Variants in UPF2 observed in about 807,000 individuals in gnomAD.
UPF2 encodes the protein UPF2 regulator of nonsense mediated mRNA decay.
In UPF2, 17 loss-of-function variants were observed where a neutral mutation model predicts 141.4. The observed-to-expected ratio is 0.12, with a 90% CI of 0.08 to 0.18. The LOEUF (loss-of-function observed/expected upper bound fraction) is 0.18. UPF2 is among the 10% of genes least tolerant of loss of function. UPF2 has a pLI of 1.00. For missense variants in UPF2, 1,152 were observed against 1,515.9 expected, an observed-to-expected ratio of 0.76 and a Z score of 3.99; for synonymous variants, 540 against 498.0, an observed-to-expected ratio of 1.08 and a Z score of -1.12.
chr10:12,021,739 T>C (rs1216213815), intron 3 of UPF2, among the ~76,000 whole-genome samples: 1 of 152,186 alleles, frequency 6.6e-6, no homozygotes, highest in Non-Finnish European at 1.5e-5. Context: ...ATATAACACA[T>C]GGACAAAATC....
chr10:11,991,749 TAACC>T (rs1272863854), intron 8 of UPF2, among the ~76,000 whole-genome samples: 1 of 152,222 alleles, frequency 6.6e-6, no homozygotes, highest in African/African-American at 2.4e-5. Flanking sequence ...TTCTCCACTA[TAACC>T]AGTCAAGCAG....
rs920228518 is a variant in UPF2, at chr10:11,940,911, T to C, written c.3378+1754A>G. Among the ~76,000 whole-genome samples the C allele has an allele frequency of 5.3e-5, 8 of 152,174 alleles. No individual in the cohort carries two copies. The highest frequency in any genetic ancestry group is 5.2e-4 in the Admixed American group (8 of 15,282). On this transcript the variant is annotated intron_variant, in intron 18 of 21. Coordinates refer to ENST00000357604, the MANE Select transcript of UPF2 (RefSeq NM_015542.4). This position sits in a 1 kb window ranked among gnomAD's most constrained non-coding sequence, Gnocchi z 4.2. ...CTCCCTCAAGACATTTGACACATTG[T>C]TCCCATCTTCCCTTAAATTTTCACC...
chr10:12,026,454 G>A (rs1176565048), intron 3 of UPF2, among the ~76,000 whole-genome samples: 2 of 152,128 alleles, frequency 1.3e-5, no homozygotes, highest in African/African-American at 4.8e-5. Flanking sequence ...TTAACATGGA[G>A]ACGAGAAAAG....
chr10:12,018,397 A>T (rs2131291853), intron 3 of UPF2, among the ~76,000 whole-genome samples: 1 of 152,240 alleles, frequency 6.6e-6, no homozygotes, highest in South Asian at 2.1e-4. Context: ...CCTGACCAAC[A>T]CGGTGAAACT....
Position 11,940,483 on chromosome 10 carries a change from C to T in UPF2, c.3378+2182G>A, listed in dbSNP as rs1034215920. 1.3e-5 allele frequency among the ~76,000 whole-genome samples: 2 copies of T among 152,146 alleles called. No homozygotes were observed. The highest frequency in any genetic ancestry group is 4.8e-5 in the African/African-American group (2 of 41,430). ...TAACCTTCTGATCTCCATACATTTC[C>T]ACTTGGACACCTCAAAGGCTTCTCA... On this transcript the variant is annotated intron_variant, in intron 18 of 21. Transcript: ENST00000357604. The surrounding 1 kb of genome is among the most constrained non-coding windows in gnomAD (Gnocchi z 4.2).
Position 12,019,933 on chromosome 10 carries a change from C to T in UPF2, c.1146-5749G>A, listed in dbSNP as rs1834288435. ...AGAGACGGGGTTTTGCCACGTTGGC[C>T]AGGCTGGCCTCAGGCTCCTGATGTC... is the stretch of plus-strand genomic sequence containing the variant. On this transcript the variant is annotated intron_variant, in intron 3 of 21. Coordinates refer to ENST00000357604, the MANE Select transcript of UPF2 (RefSeq NM_015542.4). This position sits in a 1 kb window ranked among gnomAD's most constrained non-coding sequence, Gnocchi z 4.5. Among the ~76,000 whole-genome samples the T allele has an allele frequency of 6.6e-6, 1 of 152,088 alleles. No homozygotes were observed. The highest frequency in any genetic ancestry group is 1.5e-5 in the Non-Finnish European group (1 of 68,036).
intron 4 of UPF2, among the ~76,000 whole-genome samples, chr10:12,008,028 G>A (rs1479845622): frequency 2.0e-5 from 3 of 151,496 alleles, no homozygotes; most frequent in African/African-American, 4.9e-5. Context: ...GATTACAGGC[G>A]CACTCCACAA....
rs1833015263 is a variant in UPF2 at position 11,947,473 on chromosome 10, T to C, written c.3174+896A>G. Among the ~76,000 whole-genome samples the C allele has an allele frequency of 3.3e-5, 5 of 152,090 alleles. No individual in the cohort carries two copies. In the South Asian group the frequency reaches 1.0e-3, roughly 32 times the overall value. ...AATCCACTGACTAAAAAGTCCATAT[T>C]CAACAGCGAGATTAAGATACACAAG... On this transcript the variant is annotated intron_variant, in intron 16 of 21. Coordinates refer to ENST00000357604, the MANE Select transcript of UPF2 (RefSeq NM_015542.4).
intron 8 of UPF2, among the ~76,000 whole-genome samples, chr10:11,987,560 C>G (rs1833712592): frequency 6.6e-6 from 1 of 151,692 alleles, no homozygotes; most frequent in African/African-American, 2.4e-5. Flanking sequence ...GAGTTCATGA[C>G]CAGCCTGGCC....
chr10:11,999,644 C>T (rs887510703), intron 7 of UPF2, among the ~76,000 whole-genome samples: 2 of 152,084 alleles, frequency 1.3e-5, no homozygotes, highest in Non-Finnish European at 2.9e-5. Flanking sequence ...ACTTTTAGCA[C>T]CTTTGATCTA....
At chr10:11,922,695 C>T (rs1201364378) in intron 21 of UPF2, among the ~76,000 whole-genome samples, 2 of 152,028 alleles carry the variant, frequency 1.3e-5, no homozygotes, top group Non-Finnish European at 2.9e-5. Context: ...ATACAATATA[C>T]ACTTTGGATT....
At chr10:12,013,124 C>CAA (rs111480494) in intron 4 of UPF2, among the ~76,000 whole-genome samples, 7 of 97,266 alleles carry the variant, frequency 7.2e-5, no homozygotes, top group Non-Finnish European at 1.5e-4. Flanking sequence ...GACTCTGTCT[C>CAA]AAAAAAAAAA....
intron 14 of UPF2, among the ~76,000 whole-genome samples, chr10:11,952,600 G>A (rs1359818257): frequency 1.4e-5 from 2 of 145,594 alleles, no homozygotes; most frequent in South Asian, 2.3e-4. Context: ...TCAGCCTCCC[G>A]AGCAGCTGGG....
At chr10:12,007,831 AAAGTAATAATAATAATAATAATAATAAT>A (rs758052758) in intron 4 of UPF2, among the ~76,000 whole-genome samples, 7,891 of 127,748 alleles carry the variant, frequency 0.062, 284 homozygotes, top group Non-Finnish European at 0.089. Context: ...GCGCCGTCTC[AAAGTAATAATAATAATAATAATAATAAT>A]AATAATAATA....
At chr10:11,963,302 C>T (rs570895502) in intron 11 of UPF2, among the ~76,000 whole-genome samples, 25 of 152,280 alleles carry the variant, frequency 1.6e-4, no homozygotes, top group African/African-American at 5.5e-4. Flanking sequence ...TTCTTTTTAT[C>T]ATCCCTCCTA....
intron 16 of UPF2, among the ~76,000 whole-genome samples, chr10:11,947,070 C>T (rs1172507498): frequency 1.3e-5 from 2 of 152,192 alleles, no homozygotes; most frequent in African/African-American, 4.8e-5. Context: ...GGCATGGTGG[C>T]ACACACCTAA....
At chr10:11,963,234 G>A (rs966458452) in intron 11 of UPF2, among the ~76,000 whole-genome samples, 6 of 152,158 alleles carry the variant, frequency 3.9e-5, no homozygotes, top group Non-Finnish European at 7.3e-5. Flanking sequence ...TTAGAATTAC[G>A]TAGTTAACTC....
At position 12,016,395 on chromosome 10, in the gene UPF2, C is replaced by T. The variant is rs1189559240; in HGVS notation, c.1146-2211G>A. Among the ~76,000 whole-genome samples the T allele has an allele frequency of 6.6e-6, 1 of 151,986 alleles. No homozygotes were observed. Among genetic ancestry groups the T allele is most frequent in the African/African-American group, 2.4e-5 (1 of 41,402 alleles). On this transcript the variant is annotated intron_variant, in intron 3 of 21. Transcript: ENST00000357604. The surrounding 1 kb of genome is among the most constrained non-coding windows in gnomAD (Gnocchi z 4.1). ...AAATAAAATACTCGAATAAGTAATGCTCAGAAGTAGGTTACTTAGGCTGGG... is the reference window on the plus strand; with the variant it reads ...AAATAAAATACTCGAATAAGTAATGTTCAGAAGTAGGTTACTTAGGCTGGG...
chr10:11,956,991 T>G lies in UPF2; in HGVS notation c.2371-468A>C, dbSNP rs1049441742. ...ATGCAATAGCATGCCTGGCTAATTT[T>G]TATATTTTTTGTAGAGGCGAGATCT... On this transcript the variant is annotated intron_variant, in intron 12 of 21. Coordinates refer to ENST00000357604, the MANE Select transcript of UPF2 (RefSeq NM_015542.4). This position sits in a 1 kb window ranked among gnomAD's most constrained non-coding sequence, Gnocchi z 4.2. Among the ~76,000 whole-genome samples the G allele has an allele frequency of 5.3e-5, 8 of 152,178 alleles. No individual in the cohort carries two copies. The highest frequency in any genetic ancestry group is 1.9e-4 in the African/African-American group (8 of 41,440).
Sources: gnomAD v4.1 joint callset for allele counts (sites outside exome capture counted in the v4.1 genomes callset) on GRCh38, gnomAD v4.1.1 for gene constraint, Gnocchi (gnomAD v3.1) non-coding constraint, MANE v1.5 for transcripts, NCBI Gene and HGNC (gene_info 2026-07-23, HGNC 2026-07-21) for gene names.